NAALADL2: variants seen among roughly 807,000 people sequenced by gnomAD.
NAALADL2 encodes inactive N-acetylated-alpha-linked acidic dipeptidase-like protein 2.
In NAALADL2, 76 loss-of-function variants were observed where a neutral mutation model predicts 87.2. The observed-to-expected ratio is 0.87, with a 90% CI of 0.72 to 1.05. The LOEUF is 1.05. Ranked by LOEUF, NAALADL2 falls within the 50% of genes least tolerant of loss-of-function variation. The pLI, the probability that NAALADL2 is intolerant of heterozygous loss-of-function variation, is 0.00. For synonymous variants in NAALADL2, 354 were observed against 331.0 expected, an observed-to-expected ratio of 1.07 and a Z score of -0.75; for missense variants, 1,089 against 945.8, an observed-to-expected ratio of 1.15 and a Z score of -1.99.
At chr3:174,757,016 T>C (rs1345618254) in intron 3 of NAALADL2, among the ~76,000 whole-genome samples, 2 of 152,222 alleles carry the variant, frequency 1.3e-5, no homozygotes, top group Non-Finnish European at 2.9e-5. Context: ...TGCAGTTTAT[T>C]TCCATTTTAG....
intron 5 of NAALADL2, among the ~76,000 whole-genome samples, chr3:175,416,484 T>A (rs1463740424): frequency 6.6e-6 from 1 of 152,188 alleles, no homozygotes; most frequent in South Asian, 2.1e-4. Flanking sequence ...AGTTTTGTTT[T>A]AGTAACTTTG....
chr3:175,654,890 A>G lies in NAALADL2; in HGVS notation c.1896+27504A>G, dbSNP rs557538755. Among the ~76,000 whole-genome samples the G allele has an allele frequency of 4.0e-5, 6 of 151,534 alleles. No individual in the cohort carries two copies. In the South Asian group the frequency reaches 8.3e-4, roughly 21 times the overall value. ...CTTTGTGTTATTTAAGGTTTCTGAT[A>G]TTGCATTACGTAGAATGAAAGTACA... On this transcript the variant is annotated intron_variant, in intron 11 of 13. Coordinates refer to ENST00000454872, the MANE Select transcript of NAALADL2 (RefSeq NM_207015.3).
At chr3:175,349,756 G>A (rs1283049645) in intron 5 of NAALADL2, among the ~76,000 whole-genome samples, 1 of 152,092 alleles carries the variant, frequency 6.6e-6, no homozygotes, top group Non-Finnish European at 1.5e-5. Context: ...TTGCACCATA[G>A]TAGCCATATA....
intron 2 of NAALADL2, among the ~76,000 whole-genome samples, chr3:175,139,612 A>G (rs1405490963): frequency 6.6e-6 from 1 of 151,996 alleles, no homozygotes; most frequent in African/African-American, 2.4e-5. Context: ...TATTCAGAGA[A>G]TTTTTTTCAA....
At chr3:174,625,014 A>T (rs1301631681) in intron 2 of NAALADL2, among the ~76,000 whole-genome samples, 2 of 148,378 alleles carry the variant, frequency 1.3e-5, no homozygotes, top group Non-Finnish European at 3.0e-5. Context: ...AATGATCTAG[A>T]TAATGTCCTC....
intron 2 of NAALADL2, among the ~76,000 whole-genome samples, chr3:175,204,640 G>A (rs895930484): frequency 1.3e-5 from 2 of 152,020 alleles, no homozygotes; most frequent in Non-Finnish European, 2.9e-5. Flanking sequence ...AATCAGTATA[G>A]AGGAAGTCAA....
intron 3 of NAALADL2, among the ~76,000 whole-genome samples, chr3:174,810,145 A>T (rs1336910944): frequency 1.3e-5 from 2 of 152,210 alleles, no homozygotes; most frequent in African/African-American, 4.8e-5. Context: ...CCTTTATAAC[A>T]GTGCAAGAAT....
intron 9 of NAALADL2, among the ~76,000 whole-genome samples, chr3:175,538,226 G>A (rs182550195): frequency 6.6e-6 from 1 of 151,936 alleles, no homozygotes; most frequent in African/African-American, 2.4e-5. Flanking sequence ...CATATGATAG[G>A]TATGTTGATA....
chr3:174,762,444 C>T (rs536557797), intron 3 of NAALADL2, among the ~76,000 whole-genome samples: 6 of 148,206 alleles, frequency 4.0e-5, no homozygotes, highest in Admixed American at 1.4e-4. Flanking sequence ...TGAGCCACCG[C>T]GCCCAGCAGC....
chr3:174,679,975 T>C (rs1158049610), intron 2 of NAALADL2, among the ~76,000 whole-genome samples: 5 of 152,106 alleles, frequency 3.3e-5, no homozygotes, highest in Admixed American at 2.6e-4. Context: ...CAGAGTGTGG[T>C]CTTTAGTTGT....
intron 2 of NAALADL2, among the ~76,000 whole-genome samples, chr3:175,132,810 G>C (rs1346644482): frequency 6.6e-6 from 1 of 151,748 alleles, no homozygotes; most frequent in Non-Finnish European, 1.5e-5. Flanking sequence ...CTCCCGGACG[G>C]GATGGCTGCC....
intron 1 of NAALADL2, among the ~76,000 whole-genome samples, chr3:174,488,363 T>C (rs538873739): frequency 2.0e-4 from 30 of 152,112 alleles, no homozygotes; most frequent in Non-Finnish European, 3.5e-4. Flanking sequence ...AATAAGAATA[T>C]GATAGGATTA....
At chr3:175,016,259 T>TTATATA (rs368712908) in intron 1 of NAALADL2, among the ~76,000 whole-genome samples, 218 of 119,006 alleles carry the variant, frequency 1.8e-3, no homozygotes, top group African/African-American at 6.4e-3. Context: ...GATAAATTAT[T>TTATATA]TATATATATA....
chr3:174,997,675 G>T (rs1283588752), intron 1 of NAALADL2, among the ~76,000 whole-genome samples: 1 of 152,024 alleles, frequency 6.6e-6, no homozygotes, highest in East Asian at 1.9e-4. Context: ...AATTAGCTGG[G>T]TGTGGTGGTG....
At chr3:175,313,429 G>A (rs1758636356) in intron 4 of NAALADL2, among the ~76,000 whole-genome samples, 1 of 152,174 alleles carries the variant, frequency 6.6e-6, no homozygotes, top group Admixed American at 6.5e-5. Flanking sequence ...TCCTTGTGCT[G>A]GACCAATGTT....
At chr3:174,792,204 G>A (rs1578949353) in intron 3 of NAALADL2, among the ~76,000 whole-genome samples, 1 of 150,970 alleles carries the variant, frequency 6.6e-6, no homozygotes, top group East Asian at 2.0e-4. Context: ...CTGGACAGGA[G>A]AGTGAGACCC....
At chr3:175,562,037 T>A (rs1214256152) in intron 9 of NAALADL2, among the ~76,000 whole-genome samples, 1 of 152,218 alleles carries the variant, frequency 6.6e-6, no homozygotes, top group East Asian at 1.9e-4. Context: ...CAACACAAAG[T>A]CTCAGATCAA....
intron 9 of NAALADL2, among the ~76,000 whole-genome samples, chr3:175,524,485 A>T (rs1733114341): frequency 6.6e-6 from 1 of 152,186 alleles, no homozygotes; most frequent in African/African-American, 2.4e-5. Context: ...GGTAATAAAT[A>T]AAATCCTGTG....
At chr3:175,207,878 G>C (rs1220065597) in intron 2 of NAALADL2, among the ~76,000 whole-genome samples, 1 of 152,124 alleles carries the variant, frequency 6.6e-6, no homozygotes, top group African/African-American at 2.4e-5. Context: ...GGACTTTGCT[G>C]TAGAGGAAAA....
Sources: gnomAD v4.1 joint callset for allele counts (sites outside exome capture counted in the v4.1 genomes callset) on GRCh38, gnomAD v4.1.1 for gene constraint, MANE v1.5 for transcripts, NCBI Gene and HGNC (gene_info 2026-07-23, HGNC 2026-07-21) for gene names.